CYTH3: variants seen among roughly 807,000 people sequenced by gnomAD.
CYTH3 encodes the protein cytohesin-3.
CYTH3 carries 23 observed loss-of-function variants against 55.1 expected under a neutral mutation model. That is an observed-to-expected ratio of 0.42 (90% CI 0.30 to 0.59). The LOEUF is 0.59. Ranked by LOEUF, CYTH3 falls within the 20% of genes least tolerant of loss-of-function variation. The probability of loss-of-function intolerance (pLI) is 0.20; values close to 1 mark genes in which losing one functional copy is unlikely to be tolerated. For missense variants in CYTH3, 413 were observed against 524.8 expected, an observed-to-expected ratio of 0.79 and a Z score of 2.08; for synonymous variants, 249 against 194.9, an observed-to-expected ratio of 1.28 and a Z score of -2.31.
chr7:6,171,455 G>A lies in CYTH3; in HGVS notation c.450-141C>T, dbSNP rs1783191515. Reference sequence around the variant, plus strand: ...TCTGGCAGGGGCTTGGGGGCGCAGAGACAGAAAGGAGAAGACCCAGGACAG... The same window carrying A: ...TCTGGCAGGGGCTTGGGGGCGCAGAAACAGAAAGGAGAAGACCCAGGACAG... On this transcript the variant is annotated intron_variant, in intron 6 of 12. Transcript: ENST00000350796. The surrounding 1 kb of genome is among the most constrained non-coding windows in gnomAD (Gnocchi z 6.7). The A allele has an allele frequency of 1.5e-6, 1 of 665,752 alleles. No individual in the cohort carries two copies. Among genetic ancestry groups the A allele is most frequent in the Non-Finnish European group, 2.6e-6 (1 of 384,502 alleles). 41.2% of individuals were successfully genotyped at this position (665,752 alleles called of 1,614,324 possible). A position where few individuals can be genotyped will look rare whatever the true frequency, so the allele number is the denominator to read the frequency against.
chr7:6,208,890 C>G (rs1784261454), intron 1 of CYTH3, among the ~76,000 whole-genome samples: 1 of 152,230 alleles, frequency 6.6e-6, no homozygotes, highest in South Asian at 2.1e-4. Context: ...ATCAGAAACA[C>G]TTGGAGGTAA....
intron 1 of CYTH3, among the ~76,000 whole-genome samples, chr7:6,196,386 A>G (rs1223983457): frequency 1.3e-5 from 2 of 152,134 alleles, no homozygotes; most frequent in East Asian, 1.9e-4. Flanking sequence ...TAAAGAAGCA[A>G]GCAGGCAGTT....
chr7:6,249,633 A>G (rs1342578250), intron 1 of CYTH3, among the ~76,000 whole-genome samples: 1 of 152,220 alleles, frequency 6.6e-6, no homozygotes, highest in African/African-American at 2.4e-5. Context: ...TTATCTGCTT[A>G]TAGGTTTCCC....
chr7:6,200,788 CTCT>C (rs1380872889), intron 1 of CYTH3, among the ~76,000 whole-genome samples: 1 of 152,220 alleles, frequency 6.6e-6, no homozygotes, highest in East Asian at 1.9e-4. Flanking sequence ...AAGGATCTTG[CTCT>C]GTCACTCAGT....
Position 6,170,456 on chromosome 7 carries a change from A to G in CYTH3, c.823+79T>C. 7.4e-7 allele frequency: 1 copy of G among 1,346,826 alleles called. No individual in the cohort carries two copies. The highest frequency in any genetic ancestry group is 1.3e-5 in the South Asian group (1 of 75,808). The allele number at this position is 1,346,826 out of a possible 1,614,324, so 83.4% of individuals were successfully genotyped here. A position where few individuals can be genotyped will look rare whatever the true frequency, so the allele number is the denominator to read the frequency against. ...GCCTGCGGTGGGGGGCATTCCTACG[A>G]TGAGCCTGGGAGGAACCCGAGGGGC... On this transcript the variant is annotated intron_variant, in intron 9 of 12. Coordinates refer to ENST00000350796, the MANE Select transcript of CYTH3 (RefSeq NM_004227.4). This position sits in a 1 kb window ranked among gnomAD's most constrained non-coding sequence, Gnocchi z 7.8.
intron 1 of CYTH3, among the ~76,000 whole-genome samples, chr7:6,267,769 G>A (rs1424303752): frequency 1.3e-5 from 2 of 152,050 alleles, no homozygotes; most frequent in African/African-American, 4.8e-5. Flanking sequence ...TGATCTACCC[G>A]CCTTGGCCTC....
chr7:6,251,001 G>A (rs936645846), intron 1 of CYTH3, among the ~76,000 whole-genome samples: 3 of 152,150 alleles, frequency 2.0e-5, no homozygotes, highest in Non-Finnish European at 2.9e-5. Flanking sequence ...GAGAAGAGCC[G>A]GGCTCAGTGG....
At chr7:6,234,582 G>A (rs1348892541) in intron 1 of CYTH3, among the ~76,000 whole-genome samples, 1 of 152,194 alleles carries the variant, frequency 6.6e-6, no homozygotes, top group Non-Finnish European at 1.5e-5. Context: ...CATGAAGAGG[G>A]CTGGTCTCGG....
chr7:6,238,101 C>A (rs1295397678), intron 1 of CYTH3, among the ~76,000 whole-genome samples: 1 of 152,194 alleles, frequency 6.6e-6, no homozygotes, highest in East Asian at 1.9e-4. Flanking sequence ...CATCAAGTCT[C>A]CTTAGAGGTT....
intron 2 of CYTH3, 68 bp downstream of exon 2, chr7:6,190,360 TTACATTTTTGTGAGGCTACTC>T: frequency 1.0e-6 from 1 of 976,798 alleles, no homozygotes; most frequent in Non-Finnish European, 1.4e-6. Context: ...TTTTTTTTTT[TTACATTTTTGTGAGGCTACTC>T]TTTTACTATT....
At chr7:6,193,545 G>A (rs1783852764) in intron 1 of CYTH3, among the ~76,000 whole-genome samples, 2 of 152,160 alleles carry the variant, frequency 1.3e-5, no homozygotes, top group Admixed American at 1.3e-4. Flanking sequence ...TAATCCACAT[G>A]GAAAAGCAAA....
At chr7:6,210,766 G>C (rs1271484505) in intron 1 of CYTH3, among the ~76,000 whole-genome samples, 1 of 152,116 alleles carries the variant, frequency 6.6e-6, no homozygotes. Context: ...CCAGGCTTAG[G>C]AAAGCAGTAT....
At chr7:6,235,117 T>C (rs747311483) in intron 1 of CYTH3, among the ~76,000 whole-genome samples, 5 of 152,178 alleles carry the variant, frequency 3.3e-5, no homozygotes, top group Non-Finnish European at 7.3e-5. Flanking sequence ...ACAGAATGCC[T>C]GTCACTTATC....
At chr7:6,229,922 G>C (rs994581960) in intron 1 of CYTH3, among the ~76,000 whole-genome samples, 5 of 152,186 alleles carry the variant, frequency 3.3e-5, no homozygotes, top group African/African-American at 1.2e-4. Context: ...ATAGCTTGAG[G>C]TCTGGAGTTC....
chr7:6,253,073 G>A (rs1583198815), intron 1 of CYTH3, among the ~76,000 whole-genome samples: 1 of 152,002 alleles, frequency 6.6e-6, no homozygotes, highest in Non-Finnish European at 1.5e-5. Context: ...GAATCAAAAT[G>A]ATTTTTAACA....
At chr7:6,214,402 T>G (rs540096522) in intron 1 of CYTH3, among the ~76,000 whole-genome samples, 1 of 152,334 alleles carries the variant, frequency 6.6e-6, no homozygotes, top group East Asian at 1.9e-4. Flanking sequence ...TTAATGGCAT[T>G]TTCCCTTAAT....
At chr7:6,199,906 C>T (rs1406430199) in intron 1 of CYTH3, among the ~76,000 whole-genome samples, 1 of 152,184 alleles carries the variant, frequency 6.6e-6, no homozygotes, top group African/African-American at 2.4e-5. Flanking sequence ...AAATGGTTAA[C>T]ATCATTTGAT....
At chr7:6,183,667 G>A (rs1783561244) in intron 4 of CYTH3, among the ~76,000 whole-genome samples, 1 of 152,182 alleles carries the variant, frequency 6.6e-6, no homozygotes, top group African/African-American at 2.4e-5. Context: ...TGGGGAGGTA[G>A]ATATAATTTT....
intron 1 of CYTH3, among the ~76,000 whole-genome samples, chr7:6,236,538 C>A (rs1779529067): frequency 6.7e-6 from 1 of 148,350 alleles, no homozygotes; most frequent in Admixed American, 6.7e-5. Context: ...ATGATTAAGT[C>A]CACCACCCCT....
Sources: gnomAD v4.1 joint callset for allele counts (sites outside exome capture counted in the v4.1 genomes callset) on GRCh38, gnomAD v4.1.1 for gene constraint, Gnocchi (gnomAD v3.1) non-coding constraint, MANE v1.5 for transcripts, NCBI Gene and HGNC (gene_info 2026-07-23, HGNC 2026-07-21) for gene names.